NFIA: variants seen among roughly 807,000 people sequenced by gnomAD.
NFIA encodes nuclear factor I A, also known as nuclear factor 1 A-type.
Under a neutral mutation model 62.8 loss-of-function variants are expected in NFIA, and 8 were observed. That is an observed-to-expected ratio of 0.13 (90% confidence interval 0.07 to 0.23). The LOEUF (loss-of-function observed/expected upper bound fraction) is 0.23. NFIA is among the 10% of genes least tolerant of loss of function. The pLI is 1.00. For missense variants in NFIA, 410 were observed against 642.1 expected (o/e 0.64, Z 3.91); for synonymous variants, 235 against 238.1 (o/e 0.99, Z 0.12).
At chr1:61,422,741 C>T (rs1666685956) in intron 9 of NFIA, among the ~76,000 whole-genome samples, 1 of 102,506 alleles carries the variant, frequency 9.8e-6, no homozygotes, top group East Asian at 2.7e-4. Flanking sequence ...ACCCCCGTCT[C>T]TATTTAAAAA....
chr1:61,412,612 G>A (rs1028690581), intron 9 of NFIA, among the ~76,000 whole-genome samples: 9 of 152,174 alleles, frequency 5.9e-5, no homozygotes, highest in Non-Finnish European at 1.2e-4. Context: ...GAGATCAGAA[G>A]TTCGGTTTGA....
chr1:61,391,271 TAG>T lies in NFIA; in HGVS notation c.1075+7907_1075+7908del, dbSNP rs1316989558. On this transcript the variant is annotated intron_variant, in intron 7 of 10. Transcript: ENST00000403491. ...AGAGACAGGGTCTCACTGTGTTACC[TAG>T]GCTGGTCTCGAACTCCTGGCTCAAG... Among the ~76,000 whole-genome samples the T allele has an allele frequency of 6.6e-5, 10 of 152,114 alleles. 1 individual carries two copies. In the South Asian group the frequency reaches 1.9e-3, roughly 28 times the overall value.
chr1:61,148,021 G>T (rs1349665070), intron 2 of NFIA, among the ~76,000 whole-genome samples: 1 of 152,096 alleles, frequency 6.6e-6, no homozygotes, highest in Non-Finnish European at 1.5e-5. Flanking sequence ...GAAGCAAGGG[G>T]TGTTTTCTTG....
chr1:61,394,620 G>A (rs1469956123), intron 7 of NFIA, among the ~76,000 whole-genome samples: 1 of 152,194 alleles, frequency 6.6e-6, no homozygotes, highest in Non-Finnish European at 1.5e-5. Context: ...AGGACACTAA[G>A]GAATATAGGA....
At chr1:61,257,659 CT>C (rs1484387269) in intron 2 of NFIA, among the ~76,000 whole-genome samples, 5 of 151,678 alleles carry the variant, frequency 3.3e-5, no homozygotes, top group African/African-American at 4.8e-5. Flanking sequence ...GTAAGTGAAG[CT>C]TTTTCCCCTC....
At chr1:61,283,309 G>T (rs919192066) in intron 3 of NFIA, among the ~76,000 whole-genome samples, 1 of 151,788 alleles carries the variant, frequency 6.6e-6, no homozygotes, top group African/African-American at 2.4e-5. Flanking sequence ...AGTGGCTCAC[G>T]CCTGTAATCC....
At chr1:61,387,668 G>A (rs1251079094) in intron 7 of NFIA, among the ~76,000 whole-genome samples, 1 of 152,080 alleles carries the variant, frequency 6.6e-6, no homozygotes, top group Non-Finnish European at 1.5e-5. Context: ...AACCTCCAAA[G>A]GGAAGGATCT....
At chr1:61,418,982 A>G (rs1666481859) in intron 9 of NFIA, among the ~76,000 whole-genome samples, 2 of 152,384 alleles carry the variant, frequency 1.3e-5, no homozygotes, top group African/African-American at 4.8e-5. Flanking sequence ...CTTCTGATCA[A>G]TAAACATTTT....
intron 2 of NFIA, among the ~76,000 whole-genome samples, chr1:61,224,134 A>C (rs1654181888): frequency 6.6e-6 from 1 of 152,058 alleles, no homozygotes; most frequent in African/African-American, 2.4e-5. Flanking sequence ...CTTAGTTTTT[A>C]ATATTAGTTT....
intron 2 of NFIA, among the ~76,000 whole-genome samples, chr1:61,089,696 T>A (rs1417033777): frequency 9.0e-6 from 1 of 111,290 alleles, no homozygotes; most frequent in Non-Finnish European, 2.0e-5. Context: ...TTTTTTTTTC[T>A]TTTTTTTTTT....
intron 7 of NFIA, among the ~76,000 whole-genome samples, chr1:61,401,060 C>CT (rs1388403828): frequency 2.0e-5 from 3 of 152,060 alleles, no homozygotes; most frequent in African/African-American, 7.2e-5. Context: ...AGTAACGTAA[C>CT]TATTTTCTGT....
At chr1:61,110,989 G>A (rs1419189011) in intron 2 of NFIA, among the ~76,000 whole-genome samples, 1 of 152,080 alleles carries the variant, frequency 6.6e-6, no homozygotes, top group African/African-American at 2.4e-5. Context: ...TGATTAATAT[G>A]AGCATCAAAA....
At chr1:61,256,166 G>T (rs185245030) in intron 2 of NFIA, among the ~76,000 whole-genome samples, 14 of 152,226 alleles carry the variant, frequency 9.2e-5, no homozygotes, top group African/African-American at 3.4e-4. Flanking sequence ...GGTGGCTCAC[G>T]CCTGTAATCC....
At chr1:61,337,352 C>G (rs549356682) in intron 4 of NFIA, among the ~76,000 whole-genome samples, 2 of 151,850 alleles carry the variant, frequency 1.3e-5, no homozygotes, top group Admixed American at 1.3e-4. Context: ...CTAAAGTCCA[C>G]GAAAGGCAAG....
rs115909596 is a variant in NFIA at position 61,146,766 on chromosome 1, T to A, written c.559+58086T>A. On this transcript the variant is annotated intron_variant, in intron 2 of 10. Coordinates refer to ENST00000403491, the MANE Select transcript of NFIA (RefSeq NM_001134673.4). ...GTGCTTTCTCCAGAAAGGGACTACTTCTGCTGACCACACAGAAGACGTGTG... is the reference window on the plus strand; with the variant it reads ...GTGCTTTCTCCAGAAAGGGACTACTACTGCTGACCACACAGAAGACGTGTG... 4.7e-3 allele frequency among the ~76,000 whole-genome samples: 721 copies of A among 152,338 alleles called. 7 individuals carry two copies. The highest frequency in any genetic ancestry group is 0.017 in the African/African-American group (694 of 41,592).
rs879164453 is a variant in NFIA at position 61,088,791 on chromosome 1, A to G, written c.559+111A>G. 11 of 1,253,284 alleles carry G rather than the reference A, an allele frequency of 8.8e-6. No individual in the cohort carries two copies. Among genetic ancestry groups the G allele is most frequent in the Non-Finnish European group, 1.2e-5 (11 of 910,914 alleles). The allele number at this position is 1,253,284 out of a possible 1,614,324, so 77.6% of individuals were successfully genotyped here. ...GCTCCCCAAGTTGCAGGCCACGTACATGAAGCCAGTGTGGTTTCAAAGATT... is the reference window on the plus strand; with the variant it reads ...GCTCCCCAAGTTGCAGGCCACGTACGTGAAGCCAGTGTGGTTTCAAAGATT... On this transcript the variant is annotated intron_variant, in intron 2 of 10. Coordinates refer to ENST00000403491, the MANE Select transcript of NFIA (RefSeq NM_001134673.4). The surrounding 1 kb of genome is among the most constrained non-coding windows in gnomAD (Gnocchi z 4.5).
chr1:61,427,211 G>A (rs886444264), intron 10 of NFIA, among the ~76,000 whole-genome samples: 1 of 152,114 alleles, frequency 6.6e-6, no homozygotes, highest in Non-Finnish European at 1.5e-5. Context: ...GTTGTGTTTT[G>A]TGCTAGTCTA....
chr1:61,289,048 G>A (rs1428488350), intron 3 of NFIA, among the ~76,000 whole-genome samples: 1 of 152,218 alleles, frequency 6.6e-6, no homozygotes. Flanking sequence ...GGGGTCACAG[G>A]TGTGAGCCAC....
chr1:61,316,654 T>C (rs1229763489), intron 3 of NFIA, among the ~76,000 whole-genome samples: 1 of 152,186 alleles, frequency 6.6e-6, no homozygotes, highest in East Asian at 1.9e-4. Flanking sequence ...GCGCTCTTAC[T>C]TGGAGCCGAG....
Sources: allele counts gnomAD v4.1 joint callset (sites outside exome capture counted in the v4.1 genomes callset), GRCh38; gene constraint gnomAD v4.1.1; non-coding constraint Gnocchi (gnomAD v3.1); transcripts MANE v1.5; gene names NCBI Gene and HGNC (gene_info 2026-07-23, HGNC 2026-07-21).